The following AGPAT4 variants were observed in gnomAD, a reference collection of about 807,000 sequenced individuals.
The protein encoded by AGPAT4 is 1-acylglycerol-3-phosphate O-acyltransferase 4.
In AGPAT4, 15 loss-of-function variants were observed where a neutral mutation model predicts 48.0. The observed-to-expected ratio is 0.31, with a 90% CI of 0.21 to 0.48. The LOEUF (loss-of-function observed/expected upper bound fraction) is 0.48. AGPAT4 is among the 20% of genes least tolerant of loss of function. The probability of loss-of-function intolerance (pLI) is 0.99; values close to 1 mark genes in which losing one functional copy is unlikely to be tolerated. For missense variants in AGPAT4, 314 were observed against 482.5 expected, an observed-to-expected ratio of 0.65 and a Z score of 3.27; for synonymous variants, 178 against 198.7, an observed-to-expected ratio of 0.90 and a Z score of 0.88.
At position 161,166,219 on chromosome 6, in the gene AGPAT4, A is replaced by T; in HGVS notation, c.348+29T>A. ...TGGGGCTGAACCAGAGAAATGTGTG[A>T]GGCAGGGGGGAATGCACTTCTGACT... On this transcript the variant is annotated intron_variant, in intron 3 of 8. Coordinates refer to ENST00000320285, the MANE Select transcript of AGPAT4 (RefSeq NM_020133.3). The surrounding 1 kb of genome is among the most constrained non-coding windows in gnomAD (Gnocchi z 6.7). 6.2e-7 allele frequency: 1 copy of T among 1,609,716 alleles called. No homozygotes were observed. The highest frequency in any genetic ancestry group is 2.2e-5 in the East Asian group (1 of 44,830).
chr6:161,165,586 G>T lies in AGPAT4; in HGVS notation c.348+662C>A, dbSNP rs778306660. ...GATTCCTACGGAATACCTGAGTACCGCAGATGACTCTGATTCAGCTATGTG... is the reference window on the plus strand; with the variant it reads ...GATTCCTACGGAATACCTGAGTACCTCAGATGACTCTGATTCAGCTATGTG... On this transcript the variant is annotated intron_variant, in intron 3 of 8. Transcript: ENST00000320285. This position sits in a 1 kb window ranked among gnomAD's most constrained non-coding sequence, Gnocchi z 5.5. 3 of 1,297,856 alleles carry T rather than the reference G, an allele frequency of 2.3e-6. No individual in the cohort carries two copies. In the Admixed American group the frequency reaches 7.0e-5, roughly 30 times the overall value. 80.4% of individuals were successfully genotyped at this position (1,297,856 alleles called of 1,614,324 possible).
chr6:161,237,552 T>G (rs1315404699), intron 1 of AGPAT4, among the ~76,000 whole-genome samples: 2 of 152,182 alleles, frequency 1.3e-5, no homozygotes, highest in South Asian at 2.1e-4. Context: ...TCAGCCAGTA[T>G]AGACCTTTAG....
At position 161,154,205 on chromosome 6, in the gene AGPAT4, G is replaced by A. The variant is rs755678797; in HGVS notation, c.454C>T (p.Arg152Cys). Residue 152 changes from arginine to cysteine, a missense_variant, in exon 4 of 9, where the codon CGC (arginine) becomes TGC (cysteine). Physicochemically the swap from Arg to Cys is radical, Grantham distance 180 (BLOSUM62 -3). Transcript: ENST00000320285. The surrounding 1 kb of genome is among the most constrained non-coding windows in gnomAD (Gnocchi z 7.8). ...TGCAAACTGGTGGCAACCGTCTTGC[G>A]ATCCTGCTCCCACTTGCGCGAACAG... ...VFCSRKWEQD[R>C]KTVATSLQHL... 9.3e-6 allele frequency: 15 copies of A among 1,613,962 alleles called. No homozygotes were observed. The highest frequency in any genetic ancestry group is 3.3e-5 in the Admixed American group (2 of 60,000).
rs188839107 is a variant in AGPAT4 at position 161,267,637 on chromosome 6, G to A, written c.-90+6301C>T. The stretch of plus-strand genomic sequence containing the variant: ...CTCAGGAGGCTGAGGCAGGAGAATC[G>A]CTTGAACCCAGGAGGCAGAGGTTGC... On this transcript the variant is annotated intron_variant, in intron 1 of 8. Coordinates refer to ENST00000320285, the MANE Select transcript of AGPAT4 (RefSeq NM_020133.3). The surrounding 1 kb of genome is among the most constrained non-coding windows in gnomAD (Gnocchi z 5.2). 3.3e-5 allele frequency among the ~76,000 whole-genome samples: 5 copies of A among 151,992 alleles called. No homozygotes were observed. Among genetic ancestry groups the A allele is most frequent in the Non-Finnish European group, 7.4e-5 (5 of 67,974 alleles).
chr6:161,153,384 T>C lies in AGPAT4; in HGVS notation c.626A>G (p.Lys209Arg). ...GCTCCTCACGGTGATGGCGAAGCCC[T>C]TGGTTCGTGGCAACAGGTGATGCTT... is the stretch of plus-strand genomic sequence containing the variant. Reference protein sequence around the residue: ...RLKHHLLPRTKGFAITVRSLR... With the variant: ...RLKHHLLPRTRGFAITVRSLR... Residue 209 changes from lysine (K) to arginine (R), a missense_variant, in exon 5 of 9, where the codon AAG becomes AGG. Lys to Arg is a conservative substitution (Grantham distance 26). Transcript: ENST00000320285. 2 of 1,610,868 alleles carry C rather than the reference T, an allele frequency of 1.2e-6. No homozygotes were observed. Among genetic ancestry groups the C allele is most frequent in the Non-Finnish European group, 1.7e-6 (2 of 1,178,554 alleles).
intron 8 of AGPAT4, 78 bp from the exon 9 acceptor site, chr6:161,136,712 G>C: frequency 2.3e-6 from 3 of 1,281,372 alleles, no homozygotes; most frequent in Admixed American, 3.6e-5. Context: ...CAAGTGAGAA[G>C]GCCCGTGGCC....
In AGPAT4 at chr6:161,139,612, A is replaced by C; in HGVS notation, c.852T>G (p.Phe284Leu). The C allele has an allele frequency of 6.2e-7, 1 of 1,601,104 alleles. No individual in the cohort carries two copies. Among genetic ancestry groups the C allele is most frequent in the East Asian group, 2.2e-5 (1 of 44,482 alleles). ...LHKLYQEKDAFQEEYYRTGTF... is the reference protein window; with the variant it reads ...LHKLYQEKDALQEEYYRTGTF... ...TGCCCGTCCTGTAGTACTCCTCCTG[A>C]AAGGCATCCTGGGGGACAGGAAAGA... Residue 284 changes from phenylalanine to leucine, a missense_variant, in exon 8 of 9, where the codon TTT (phenylalanine) becomes TTG (leucine). By Grantham distance (22) the Phe-to-Leu change is conservative. Transcript: ENST00000320285. This position sits in a 1 kb window ranked among gnomAD's most constrained non-coding sequence, Gnocchi z 9.1.
rs11393554 is a variant in AGPAT4 at position 161,258,798 on chromosome 6, A to ATT, written c.-90+15138_-90+15139dup. On this transcript the variant is annotated intron_variant, in intron 1 of 8. Transcript: ENST00000320285. ...GGGACTATTTTACCACAAGCATTTAATTTTTTTTTTTTTTTGGAGAATGAG... is the reference window on the plus strand; with the variant it reads ...GGGACTATTTTACCACAAGCATTTAATTTTTTTTTTTTTTTTTGGAGAATGAG... Among the ~76,000 whole-genome samples the ATT allele has an allele frequency of 6.7e-4, 96 of 144,300 alleles. 1 individual carries two copies. Among genetic ancestry groups the ATT allele is most frequent in the African/African-American group, 1.8e-3 (72 of 39,268 alleles). The allele number at this position is 144,300 out of a possible 152,430, so 94.7% of individuals were successfully genotyped here. A position where few individuals can be genotyped will look rare whatever the true frequency, so the allele number is the denominator to read the frequency against.
At position 161,243,736 on chromosome 6, in the gene AGPAT4, C is replaced by T. The variant is rs963138652; in HGVS notation, c.-89-11434G>A. On this transcript the variant is annotated intron_variant, in intron 1 of 8. Coordinates refer to ENST00000320285, the MANE Select transcript of AGPAT4 (RefSeq NM_020133.3). This position sits in a 1 kb window ranked among gnomAD's most constrained non-coding sequence, Gnocchi z 4.8. ...CCTTCCCTTGACCCCTTCTCCCTGGCCCCCAACCATCACCAGCTTTTCTTA... is the reference window on the plus strand; with the variant it reads ...CCTTCCCTTGACCCCTTCTCCCTGGTCCCCAACCATCACCAGCTTTTCTTA... Among the ~76,000 whole-genome samples the T allele has an allele frequency of 6.6e-6, 1 of 152,166 alleles. No individual in the cohort carries two copies. The highest frequency in any genetic ancestry group is 6.5e-5 in the Admixed American group (1 of 15,276).
chr6:161,142,149 C>G lies in AGPAT4; in HGVS notation c.844-2529G>C, dbSNP rs756862736. On this transcript the variant is annotated intron_variant, in intron 7 of 8. Transcript: ENST00000320285. This position sits in a 1 kb window ranked among gnomAD's most constrained non-coding sequence, Gnocchi z 6.4. ...GATTACAGGCGTGAGCCATTGCGCC[C>G]AGCCCCATTCACTTTAAAGTTTTCT... Among the ~76,000 whole-genome samples the G allele has an allele frequency of 1.3e-5, 2 of 152,258 alleles. No individual in the cohort carries two copies. The highest frequency in any genetic ancestry group is 2.9e-5 in the Non-Finnish European group (2 of 68,050).
rs568030413 is a variant in AGPAT4 at position 161,165,945 on chromosome 6, C to G, written c.348+303G>C. On this transcript the variant is annotated intron_variant, in intron 3 of 8. Coordinates refer to ENST00000320285, the MANE Select transcript of AGPAT4 (RefSeq NM_020133.3). The surrounding 1 kb of genome is among the most constrained non-coding windows in gnomAD (Gnocchi z 5.5). ...GAGCCGAATATTAAGCTCTATATAA[C>G]TTAGTTTTTAAAAAATGGAGTGTGG... 182 of 601,800 alleles carry G rather than the reference C, an allele frequency of 3.0e-4. No individual in the cohort carries two copies. The highest frequency in any genetic ancestry group is 5.0e-4 in the Non-Finnish European group (170 of 339,138). 37.3% of individuals were successfully genotyped at this position (601,800 alleles called of 1,614,324 possible).
In AGPAT4 at chr6:161,245,046, C is replaced by T. The variant is rs748945523; in HGVS notation, c.-89-12744G>A. Among the ~76,000 whole-genome samples the T allele has an allele frequency of 7.9e-5, 12 of 152,260 alleles. No homozygotes were observed. The highest frequency in any genetic ancestry group is 1.6e-4 in the Non-Finnish European group (11 of 68,050). ...TTCGCACACATGCCTACTAGCAAGCCGTGCACCAACTGGCAACTTATTTTG... is the reference window on the plus strand; with the variant it reads ...TTCGCACACATGCCTACTAGCAAGCTGTGCACCAACTGGCAACTTATTTTG... On this transcript the variant is annotated intron_variant, in intron 1 of 8. Coordinates refer to ENST00000320285, the MANE Select transcript of AGPAT4 (RefSeq NM_020133.3). The surrounding 1 kb of genome is among the most constrained non-coding windows in gnomAD (Gnocchi z 5.2).
chr6:161,201,555 C>A lies in AGPAT4; in HGVS notation c.178+30481G>T, dbSNP rs563382952. Among the ~76,000 whole-genome samples the A allele has an allele frequency of 6.6e-6, 1 of 152,362 alleles. No homozygotes were observed. Among genetic ancestry groups the A allele is most frequent in the East Asian group, 1.9e-4 (1 of 5,182 alleles). On this transcript the variant is annotated intron_variant, in intron 2 of 8. Coordinates refer to ENST00000320285, the MANE Select transcript of AGPAT4 (RefSeq NM_020133.3). This position sits in a 1 kb window ranked among gnomAD's most constrained non-coding sequence, Gnocchi z 6.0. ...CTGCGATGTCCCAGGAACTCTCCTG[C>A]AATACAGAGCCTCTGTCTTCTTCAG... is the stretch of plus-strand genomic sequence containing the variant.
At chr6:161,151,707 G>C (rs1484912891) in intron 5 of AGPAT4, among the ~76,000 whole-genome samples, 1 of 152,252 alleles carries the variant, frequency 6.6e-6, no homozygotes, top group African/African-American at 2.4e-5. Context: ...AGAGAGACAA[G>C]GTCACTTGCC....
chr6:161,168,128 G>A lies in AGPAT4; in HGVS notation c.179-1711C>T, dbSNP rs75533358. Among the ~76,000 whole-genome samples, 131 of 148,280 alleles carry A rather than the reference G, an allele frequency of 8.8e-4. 2 individuals carry two copies. In the East Asian group the frequency reaches 0.025, roughly 28 times the overall value. ...GTTGTGGGGGCAGGAAGGCGGTGGT[G>A]GGGTGGGGGGCTAGGGTAACAACAT... On this transcript the variant is annotated intron_variant, in intron 2 of 8. Transcript: ENST00000320285.
Position 161,132,833 on chromosome 6 carries a change from C to T in AGPAT4, c.*3707G>A, listed in dbSNP as rs1304153824. On this transcript the variant is annotated 3_prime_UTR_variant, in exon 9 of 9. Transcript: ENST00000320285. ...ATTTTGGGGGGCTCTCCTAGAAGCT[C>T]TGGGGGAAGGAAGCAGTGGCCTCCT... 2 of 152,232 alleles carry T rather than the reference C, an allele frequency of 1.3e-5. No individual in the cohort carries two copies. The highest frequency in any genetic ancestry group is 4.8e-5 in the African/African-American group (2 of 41,448). The allele number at this position is 152,232 out of a possible 1,614,324, so 9.4% of individuals were successfully genotyped here.
chr6:161,215,441 C>CT lies in AGPAT4; in HGVS notation c.178+16594dup, dbSNP rs1185229693. 6.6e-6 allele frequency among the ~76,000 whole-genome samples: 1 copy of CT among 152,210 alleles called. No homozygotes were observed. Among genetic ancestry groups the CT allele is most frequent in the Non-Finnish European group, 1.5e-5 (1 of 68,042 alleles). ...TACGCATATACCCAGCAAACACAGA[C>CT]TGACAGTGACTCACCCTGATCTCAT... On this transcript the variant is annotated intron_variant, in intron 2 of 8. Coordinates refer to ENST00000320285, the MANE Select transcript of AGPAT4 (RefSeq NM_020133.3). This position sits in a 1 kb window ranked among gnomAD's most constrained non-coding sequence, Gnocchi z 4.5.
rs920188659 is a variant in AGPAT4 at position 161,154,999 on chromosome 6, G to A, written c.349-689C>T. ...CAAGCTGGGAGTAAAACCCAGACCA[G>A]GAGATGTGCTCGGTGCCCTCCACAC... is the stretch of plus-strand genomic sequence containing the variant. On this transcript the variant is annotated intron_variant, in intron 3 of 8. Coordinates refer to ENST00000320285, the MANE Select transcript of AGPAT4 (RefSeq NM_020133.3). This position sits in a 1 kb window ranked among gnomAD's most constrained non-coding sequence, Gnocchi z 7.8. Among the ~76,000 whole-genome samples the A allele has an allele frequency of 3.9e-5, 6 of 152,212 alleles. No individual in the cohort carries two copies. Among genetic ancestry groups the A allele is most frequent in the Non-Finnish European group, 7.3e-5 (5 of 68,034 alleles).
At position 161,144,043 on chromosome 6, in the gene AGPAT4, G is replaced by T; in HGVS notation, c.843+2481C>A. On this transcript the variant is annotated intron_variant, in intron 7 of 8. Coordinates refer to ENST00000320285, the MANE Select transcript of AGPAT4 (RefSeq NM_020133.3). This position sits in a 1 kb window ranked among gnomAD's most constrained non-coding sequence, Gnocchi z 6.6. ...AAATCCCACTTTGACAAACTGGGTC[G>T]GGCACCCAGATTTGGGGCACGTAAA... 2 of 467,356 alleles carry T rather than the reference G, an allele frequency of 4.3e-6. No homozygotes were observed. Among genetic ancestry groups the T allele is most frequent in the African/African-American group, 4.0e-5 (2 of 50,180 alleles). The allele number at this position is 467,356 out of a possible 1,614,324, so 29.0% of individuals were successfully genotyped here.
Sources: gnomAD v4.1 joint callset for allele counts (sites outside exome capture counted in the v4.1 genomes callset) on GRCh38, gnomAD v4.1.1 for gene constraint, Gnocchi (gnomAD v3.1) non-coding constraint, MANE v1.5 for transcripts, NCBI Gene and HGNC (gene_info 2026-07-23, HGNC 2026-07-21) for gene names.